The following METTL9 variants were observed in gnomAD, a reference collection of about 807,000 sequenced individuals.
METTL9 encodes the protein methyltransferase 9, His-X-His N1(pi)-histidine, also known as protein-L-histidine N-pros-methyltransferase.
A neutral mutation model predicts 36.0 loss-of-function variants in METTL9; 10 were observed. The ratio of observed to expected loss-of-function variants is 0.28; its 90% CI spans 0.17 to 0.47. METTL9 has a LOEUF of 0.47. Among genes scored for constraint, METTL9 ranks in the 20% least tolerant of loss-of-function variants. The pLI is 0.99. For missense variants in METTL9, 246 were observed against 383.5 expected (o/e 0.64, Z 3.00); for synonymous variants, 175 against 149.7 (o/e 1.17, Z -1.23).
intron 3 of METTL9, among the ~76,000 whole-genome samples, chr16:21,622,429 C>G (rs1965727397): frequency 6.6e-6 from 1 of 151,976 alleles, no homozygotes; most frequent in African/African-American, 2.4e-5. Context: ...GCTACTGCAC[C>G]TGACTGCTTT....
intron 4 of METTL9, among the ~76,000 whole-genome samples, chr16:21,625,509 G>A (rs74429610): frequency 0.053 from 8,057 of 152,114 alleles, 266 homozygotes; most frequent in Non-Finnish European, 0.061. Flanking sequence ...TTTGTTTTCC[G>A]TTTTGCATCT....
intron 3 of METTL9, among the ~76,000 whole-genome samples, chr16:21,621,255 C>G (rs952729538): frequency 6.6e-6 from 1 of 152,056 alleles, no homozygotes; most frequent in Admixed American, 6.6e-5. Flanking sequence ...TCAAACAGTC[C>G]TCCTGCCTTG....
At chr16:21,651,540 G>A (rs1230491050) in intron 4 of METTL9, among the ~76,000 whole-genome samples, 4 of 151,958 alleles carry the variant, frequency 2.6e-5, no homozygotes, top group Non-Finnish European at 5.9e-5. Flanking sequence ...GAGCTCAAGT[G>A]ATCCTCTCAC....
chr16:21,640,867 A>G (rs1258136131), intron 4 of METTL9: 1 of 152,100 alleles, frequency 6.6e-6, no homozygotes, highest in Admixed American at 6.5e-5. Context: ...ATTTGGCACA[A>G]CACTGACATC....
intron 4 of METTL9, among the ~76,000 whole-genome samples, chr16:21,650,903 T>C (rs1364920081): frequency 6.6e-6 from 1 of 152,178 alleles, no homozygotes; most frequent in Non-Finnish European, 1.5e-5. Flanking sequence ...ATGGAGGGAA[T>C]AGAAAGATTA....
intron 3 of METTL9, among the ~76,000 whole-genome samples, chr16:21,622,141 CTTTTTTT>C (rs541282506): frequency 5.7e-5 from 2 of 34,922 alleles, no homozygotes; most frequent in Non-Finnish European, 9.2e-5. Context: ...CATGCCTGGC[CTTTTTTT>C]TTTTTTTTTT....
rs1245645529 is a variant in METTL9, at chr16:21,599,699, C to G, written c.-35C>G. 6.9e-7 allele frequency: 1 copy of G among 1,452,370 alleles called. No individual in the cohort carries two copies. The highest frequency in any genetic ancestry group is 1.3e-5 in the South Asian group (1 of 75,008). The allele number at this position is 1,452,370 out of a possible 1,614,324, so 90.0% of individuals were successfully genotyped here. ...GTGCCTCCTCCTCCTCGCCCCGGCGCCGGCGGTGATCCGAGCGAGCGGCCG... is the reference window on the plus strand; with the variant it reads ...GTGCCTCCTCCTCCTCGCCCCGGCGGCGGCGGTGATCCGAGCGAGCGGCCG... On this transcript the variant is annotated 5_prime_UTR_variant, in exon 1 of 5. Transcript: ENST00000358154. The surrounding 1 kb of genome is among the most constrained non-coding windows in gnomAD (Gnocchi z 4.4).
intron 4 of METTL9, chr16:21,652,499 TA>T: frequency 6.4e-7 from 1 of 1,551,008 alleles, no homozygotes; most frequent in Non-Finnish European, 8.8e-7. Flanking sequence ...TTGATTTAAA[TA>T]AAATGAAGGA....
chr16:21,618,550 C>A (rs1965611246), intron 3 of METTL9, among the ~76,000 whole-genome samples: 1 of 152,136 alleles, frequency 6.6e-6, no homozygotes, highest in Non-Finnish European at 1.5e-5. Context: ...TCCTCGTAAC[C>A]CCTGACAACC....
chr16:21,634,145 C>G (rs1165049546), intron 4 of METTL9, among the ~76,000 whole-genome samples: 3 of 152,132 alleles, frequency 2.0e-5, no homozygotes, highest in Non-Finnish European at 4.4e-5. Context: ...CCCAGGATTC[C>G]TCGGATGGTA....
chr16:21,604,639 T>C (rs996933607), intron 1 of METTL9, among the ~76,000 whole-genome samples: 4 of 152,228 alleles, frequency 2.6e-5, no homozygotes, highest in Non-Finnish European at 5.9e-5. Flanking sequence ...TTTACGCCTA[T>C]GCTGTGCTTA....
At chr16:21,624,701 T>C (rs1447375053) in intron 3 of METTL9, among the ~76,000 whole-genome samples, 1 of 151,034 alleles carries the variant, frequency 6.6e-6, no homozygotes, top group Admixed American at 6.6e-5. Flanking sequence ...TACTCCAGCC[T>C]GGGCAACAGA....
chr16:21,647,477 C>T (rs750232505), intron 4 of METTL9: 5 of 1,610,624 alleles, frequency 3.1e-6, no homozygotes, highest in Non-Finnish European at 3.4e-6. Flanking sequence ...AGAGAGAGTA[C>T]AGGCGCCCAC....
rs755213604 is a variant in METTL9 at position 21,599,855 on chromosome 16, G to A, written c.122G>A (p.Gly41Asp). Reference sequence around the variant, plus strand: ...TACGTGAACATGACTAGCGGCCCGGGTGGGCCGGCGGCGGCCGCGGGCGGC... The same window carrying A: ...TACGTGAACATGACTAGCGGCCCGGATGGGCCGGCGGCGGCCGCGGGCGGC... ...SLYVNMTSGP[G>D]GPAAAAGGRK... Residue 41 changes from glycine (G) to aspartate (D), a missense_variant, in exon 1 of 5, where the codon GGT becomes GAT. By Grantham distance (94) the Gly-to-Asp change is moderately conservative. Around this residue, in one of 2 missense-constraint regions of METTL9, gnomAD observed 100 missense variants for 81.4 expected, o/e 1.23. Transcript: ENST00000358154. The surrounding 1 kb of genome is among the most constrained non-coding windows in gnomAD (Gnocchi z 4.4). The A allele has an allele frequency of 1.7e-5, 25 of 1,505,638 alleles. No homozygotes were observed. The highest frequency in any genetic ancestry group is 2.0e-5 in the Non-Finnish European group (23 of 1,133,590). The allele number at this position is 1,505,638 out of a possible 1,614,324, so 93.3% of individuals were successfully genotyped here. A position where few individuals can be genotyped will look rare whatever the true frequency, so the allele number is the denominator to read the frequency against.
chr16:21,642,717 A>C (rs1966305486), intron 4 of METTL9, among the ~76,000 whole-genome samples: 1 of 152,158 alleles, frequency 6.6e-6, no homozygotes, highest in South Asian at 2.1e-4. Flanking sequence ...TTGACCCACA[A>C]ACATTTGCAG....
chr16:21,613,109 G>A (rs1264999746), intron 2 of METTL9, among the ~76,000 whole-genome samples: 2 of 149,234 alleles, frequency 1.3e-5, no homozygotes, highest in Non-Finnish European at 1.5e-5. Flanking sequence ...AATCACCTGG[G>A]GGTCTTGTTA....
At chr16:21,622,889 G>C (rs1965739421) in intron 3 of METTL9, among the ~76,000 whole-genome samples, 1 of 152,146 alleles carries the variant, frequency 6.6e-6, no homozygotes, top group Non-Finnish European at 1.5e-5. Flanking sequence ...ATAGACATCA[G>C]ATTTTTTTTG....
chr16:21,624,972 A>G lies in METTL9; in HGVS notation c.608A>G (p.Tyr203Cys), dbSNP rs1193352163. The G allele has an allele frequency of 1.2e-6, 2 of 1,614,144 alleles. No homozygotes were observed. The highest frequency in any genetic ancestry group is 1.7e-6 in the Non-Finnish European group (2 of 1,180,030). ...GAATGGCAGAATACGGGGTTCCAGTATGATGTCATCAGCTGCCTGAACTTG... is the reference window on the plus strand; with the variant it reads ...GAATGGCAGAATACGGGGTTCCAGTGTGATGTCATCAGCTGCCTGAACTTG... ...INEWQNTGFQ[Y>C]DVISCLNLLD... Residue 203 changes from tyrosine (Y) to cysteine (C), a missense_variant, in exon 4 of 5, where the codon TAT (tyrosine) becomes TGT (cysteine). Coordinates refer to ENST00000358154, the MANE Select transcript of METTL9 (RefSeq NM_016025.5).
At chr16:21,608,500 A>T (rs925423421) in intron 1 of METTL9, among the ~76,000 whole-genome samples, 5 of 152,100 alleles carry the variant, frequency 3.3e-5, no homozygotes, top group Non-Finnish European at 7.4e-5. Context: ...GAGTCCCTAG[A>T]CCATAGTTAG....
Sources: allele counts gnomAD v4.1 joint callset (sites outside exome capture counted in the v4.1 genomes callset), GRCh38; gene constraint gnomAD v4.1.1; regional missense constraint gnomAD v4.1.1; non-coding constraint Gnocchi (gnomAD v3.1); transcripts MANE v1.5; gene names NCBI Gene and HGNC (gene_info 2026-07-23, HGNC 2026-07-21).